TACC2: variants seen among roughly 807,000 people sequenced by gnomAD.
The protein encoded by TACC2 is transforming acidic coiled-coil containing protein 2, also known as transforming acidic coiled-coil-containing protein 2.
In TACC2, 137 loss-of-function variants were observed where a neutral mutation model predicts 227.3. That is an observed-to-expected ratio of 0.60 (90% confidence interval 0.52 to 0.69). The LOEUF (loss-of-function observed/expected upper bound fraction) is 0.69. TACC2 is among the 30% of genes least tolerant of loss of function. TACC2 has a pLI of 0.00. For synonymous variants in TACC2, 1,523 were observed against 1,487.5 expected (o/e 1.02, Z -0.55); for missense variants, 3,470 against 3,694.4 (o/e 0.94, Z 1.57).
At chr10:122,018,219 G>A (rs961361013) in intron 1 of TACC2, among the ~76,000 whole-genome samples, 2 of 152,058 alleles carry the variant, frequency 1.3e-5, no homozygotes, top group African/African-American at 4.8e-5. Flanking sequence ...GAGAACATGC[G>A]GTGTTTGGTT....
chr10:122,238,469 C>T (rs766581036), intron 18 of TACC2, among the ~76,000 whole-genome samples: 7 of 152,100 alleles, frequency 4.6e-5, no homozygotes, highest in Non-Finnish European at 8.8e-5. Context: ...TTTTTTGAAA[C>T]AGAGTTTCGC....
chr10:122,219,218 C>G (rs926693191), intron 11 of TACC2, among the ~76,000 whole-genome samples: 1 of 151,764 alleles, frequency 6.6e-6, no homozygotes, highest in Non-Finnish European at 1.5e-5. Flanking sequence ...CCCTTCCCCC[C>G]ACCCTCACTG....
rs186618601 is a variant in TACC2 at position 122,143,772 on chromosome 10, C to G, written c.5834+66C>G. The G allele has an allele frequency of 4.1e-3, 6,379 of 1,561,442 alleles. 17 individuals are homozygous for G. Among genetic ancestry groups the G allele is most frequent in the Non-Finnish European group, 5.2e-3 (5,989 of 1,145,834 alleles). On this transcript the variant is annotated intron_variant, in intron 7 of 22. Coordinates refer to ENST00000369005, the MANE Select transcript of TACC2 (RefSeq NM_206862.4). ...AGCAGGGGCCTGGTGGTCTCTGCCCCCTAGGTCTTGGGGTGAGCCGCATTT... is the reference window on the plus strand; with the variant it reads ...AGCAGGGGCCTGGTGGTCTCTGCCCGCTAGGTCTTGGGGTGAGCCGCATTT...
At chr10:122,081,103 G>GA (rs1403175525) in intron 3 of TACC2, among the ~76,000 whole-genome samples, 5 of 151,850 alleles carry the variant, frequency 3.3e-5, no homozygotes, top group African/African-American at 1.2e-4. Context: ...AATTGTGTAG[G>GA]AAAAATCAGG....
rs773899704 is a variant in TACC2 at position 122,012,008 on chromosome 10, GC to G, written c.-45-9928del. ...GCTGGAGTGCAGTAGCAAGATCTTGGCTCCCTGCAACCTCCACCTCCCAGGT... is the reference window on the plus strand; with the variant it reads ...GCTGGAGTGCAGTAGCAAGATCTTGGTCCCTGCAACCTCCACCTCCCAGGT... On this transcript the variant is annotated intron_variant, in intron 1 of 22. Transcript: ENST00000369005. Among the ~76,000 whole-genome samples the G allele has an allele frequency of 4.0e-5, 6 of 151,880 alleles. No homozygotes were observed. In the East Asian group the frequency reaches 9.8e-4, roughly 25 times the overall value.
chr10:122,176,119 A>C (rs4752664), intron 7 of TACC2, among the ~76,000 whole-genome samples: 3,737 of 51,924 alleles, frequency 0.072, 31 homozygotes, highest in Admixed American at 0.12. Context: ...CTCTCTCTCT[A>C]TATATATATA....
At position 122,185,338 on chromosome 10, in the gene TACC2, G is replaced by GGT. The variant is rs2094147624; in HGVS notation, c.5835-9701_5835-9700insTG. On this transcript the variant is annotated intron_variant, in intron 7 of 22. Transcript: ENST00000369005. ...AGCCTCCTGAGTAGCTGGGATTACA[G>GGT]GCACATGCCACCATGCCCAGCTACT... is the stretch of plus-strand genomic sequence containing the variant. Among the ~76,000 whole-genome samples the GGT allele has an allele frequency of 3.9e-5, 6 of 152,210 alleles. No individual in the cohort carries two copies. The East Asian group carries it at 7.7e-4, about 20-fold the overall frequency.
intron 3 of TACC2, among the ~76,000 whole-genome samples, chr10:122,063,729 A>G (rs193028663): frequency 7.9e-5 from 12 of 151,702 alleles, no homozygotes; most frequent in Admixed American, 7.2e-4. Context: ...TCTTTTCTTT[A>G]TTGATTGTGA....
intron 2 of TACC2, among the ~76,000 whole-genome samples, chr10:122,045,410 TC>T (rs1295705719): frequency 6.6e-6 from 1 of 152,238 alleles, no homozygotes; most frequent in African/African-American, 2.4e-5. Context: ...CTCCACCACT[TC>T]CAAGCTGTGT....
At position 122,253,918 on chromosome 10, in the gene TACC2, C is replaced by CA; in HGVS notation, c.8782-68dup. 5 of 1,353,298 alleles carry CA rather than the reference C, an allele frequency of 3.7e-6. No homozygotes were observed. In the South Asian group the frequency reaches 5.9e-5, roughly 16 times the overall value. The allele number at this position is 1,353,298 out of a possible 1,614,324, so 83.8% of individuals were successfully genotyped here. ...GGGGCCTGGTGGTCCCCCATCTCCC[C>CA]AAAAAGCCCCATGAGCATTCTGACT... On this transcript the variant is annotated intron_variant, in intron 22 of 22. Coordinates refer to ENST00000369005, the MANE Select transcript of TACC2 (RefSeq NM_206862.4).
At position 122,216,766 on chromosome 10, in the gene TACC2, A is replaced by G; in HGVS notation, c.7484A>G (p.Tyr2495Cys). The G allele has an allele frequency of 1.2e-6, 2 of 1,614,058 alleles. No homozygotes were observed. Among genetic ancestry groups the G allele is most frequent in the Non-Finnish European group, 1.7e-6 (2 of 1,180,018 alleles). ...GACCTAGAGGCTGACAAACAGGACT[A>G]CCCGCAGCCCTCGGACCTGTCCACC... ...TVDLEADKQD[Y>C]PQPSDLSTFV... The change falls in exon 11 of 23, where the codon TAC becomes TGC. Residue 2495 changes from tyrosine (Y) to cysteine (C), a missense_variant. Coordinates refer to ENST00000369005, the MANE Select transcript of TACC2 (RefSeq NM_206862.4).
intron 3 of TACC2, among the ~76,000 whole-genome samples, chr10:122,081,784 C>A (rs1019741789): frequency 6.6e-6 from 1 of 152,156 alleles, no homozygotes; most frequent in East Asian, 1.9e-4. Flanking sequence ...ACATAGGTCA[C>A]GTGCGGAAAT....
At chr10:122,153,527 G>A (rs78224663) in intron 7 of TACC2, among the ~76,000 whole-genome samples, 5,937 of 152,270 alleles carry the variant, frequency 0.039, 152 homozygotes, top group Middle Eastern at 0.071. Context: ...CAGACCTCGG[G>A]TTTCGAGTCC....
In TACC2 at chr10:122,241,954, A is replaced by T. The variant is rs2096005553; in HGVS notation, c.8349-4A>T. 2 of 1,614,038 alleles carry T rather than the reference A, an allele frequency of 1.2e-6. No individual in the cohort carries two copies. ...ACTCCAACGTGTCTTTACTTCTCTT[A>T]TAGGAAAATAGTGGCCGAGTATGAG... On this transcript the variant is annotated splice_polypyrimidine_tract_variant and splice_region_variant and intron_variant, in intron 18 of 22. Transcript: ENST00000369005.
Position 122,211,709 on chromosome 10 carries a change from G to A in TACC2, c.7283+1G>A. ...AGAAGAAGAAGACGCCCCTAAAGACGTAAGTTCAGGGGTGGAGGTGGTAAG... is the reference window on the plus strand; with the variant it reads ...AGAAGAAGAAGACGCCCCTAAAGACATAAGTTCAGGGGTGGAGGTGGTAAG... On this transcript the variant is annotated splice_donor_variant, in intron 9 of 22. Transcript: ENST00000369005. LOFTEE classifies it high-confidence loss of function. 6.5e-7 allele frequency: 1 copy of A among 1,543,120 alleles called. No homozygotes were observed. The highest frequency in any genetic ancestry group is 8.7e-7 in the Non-Finnish European group (1 of 1,151,408).
In TACC2 at chr10:122,211,072, C is replaced by T. The variant is rs2295875; in HGVS notation, c.6647C>T (p.Pro2216Leu). The T allele has an allele frequency of 0.011, 17,407 of 1,612,422 alleles. 1,396 individuals are homozygous for T. The East Asian group carries it at 0.23, about 21-fold the overall frequency. The stretch of plus-strand genomic sequence containing the variant: ...GAGAGTGCAGAAGGGGTTGTCCCCC[C>T]GGCTTCTGGAGGTGGCAGAGTGCAG... ...DSESAEGVVP[P>L]ASGGGRVQNS... Residue 2216 changes from proline to leucine, a missense_variant, in exon 9 of 23, where the codon CCG becomes CTG. Transcript: ENST00000369005.
At chr10:122,188,382 C>T (rs1324509654) in intron 7 of TACC2, among the ~76,000 whole-genome samples, 2 of 152,250 alleles carry the variant, frequency 1.3e-5, no homozygotes, top group African/African-American at 2.4e-5. Flanking sequence ...CGGGTTCAAA[C>T]AATTCTCTTG....
rs748524655 is a variant in TACC2, at chr10:122,205,202, C to A, written c.5972-5195C>A. ...GAACAGAAGTTTGAGAGCAGACATA[C>A]GAGAGCAAGATAGACCTCAGGAAGC... On this transcript the variant is annotated intron_variant, in intron 8 of 22. Transcript: ENST00000369005. The surrounding 1 kb of genome is among the most constrained non-coding windows in gnomAD (Gnocchi z 4.5). Among the ~76,000 whole-genome samples the A allele has an allele frequency of 4.6e-5, 7 of 152,174 alleles. No individual in the cohort carries two copies. The highest frequency in any genetic ancestry group is 1.0e-4 in the Non-Finnish European group (7 of 68,030).
intron 19 of TACC2, among the ~76,000 whole-genome samples, chr10:122,246,308 T>C (rs1204304638): frequency 6.6e-6 from 1 of 152,144 alleles, no homozygotes; most frequent in African/African-American, 2.4e-5. Context: ...GTCAGAACTT[T>C]AGAGCAAGCT....
Sources: gnomAD v4.1 joint callset for allele counts (sites outside exome capture counted in the v4.1 genomes callset) on GRCh38, gnomAD v4.1.1 for gene constraint, Gnocchi (gnomAD v3.1) non-coding constraint, MANE v1.5 for transcripts, NCBI Gene and HGNC (gene_info 2026-07-23, HGNC 2026-07-21) for gene names.